Variants in OIT3 observed in about 807,000 individuals in gnomAD.
OIT3 encodes the protein oncoprotein induced transcript 3.
Under a neutral mutation model 52.2 loss-of-function variants are expected in OIT3, and 41 were observed. The observed-to-expected ratio is 0.79, with a 90% CI of 0.61 to 1.02. OIT3 has a LOEUF of 1.02. OIT3 is among the 50% of genes least tolerant of loss of function. The pLI is 0.00. For missense variants in OIT3, 634 were observed against 715.5 expected (o/e 0.89, Z 1.30); for synonymous variants, 244 against 276.9 (o/e 0.88, Z 1.18).
At chr10:72,932,285 G>A (rs1846222936) in intron 8 of OIT3, 69 bp from the exon 9 acceptor site, 1 of 1,354,764 alleles carries the variant, frequency 7.4e-7, no homozygotes, top group African/African-American at 1.4e-5. Context: ...ATTTAGTATT[G>A]TGTCTTGTAA....
intron 4 of OIT3, 135 bp from the exon 5 acceptor site, chr10:72,911,582 G>C: frequency 1.3e-6 from 1 of 799,858 alleles, no homozygotes; most frequent in Non-Finnish European, 2.0e-6. Context: ...TTGAGGTCTT[G>C]CCCGAATGTC....
At chr10:72,918,878 C>CT (rs1846098013) in intron 6 of OIT3, among the ~76,000 whole-genome samples, 1 of 152,130 alleles carries the variant, frequency 6.6e-6, no homozygotes, top group African/African-American at 2.4e-5. Context: ...TACTGTAGCC[C>CT]TGTAGCATAA....
Position 72,924,430 on chromosome 10 carries a change from G to T in OIT3, c.1153G>T (p.Gly385Trp), listed in dbSNP as rs770461923. ...SPLEIMSRNH[G>W]IFPFTLEIFK... ...ACTGGAAATCATGAGCCGAAATCAT[G>T]GGATCTTCCCATTCACTCTGGAGAT... Residue 385 changes from glycine (G) to tryptophan (W), a missense_variant, in exon 7 of 9, where the codon GGG becomes TGG. Physicochemically the swap from Gly to Trp is radical, Grantham distance 184. Coordinates refer to ENST00000334011, the MANE Select transcript of OIT3 (RefSeq NM_152635.3). 1 of 1,614,102 alleles carries T rather than the reference G, an allele frequency of 6.2e-7. No homozygotes were observed. The highest frequency in any genetic ancestry group is 8.5e-7 in the Non-Finnish European group (1 of 1,179,976).
At chr10:72,903,003 G>A (rs911619321) in intron 3 of OIT3, among the ~76,000 whole-genome samples, 4 of 152,126 alleles carry the variant, frequency 2.6e-5, no homozygotes, top group African/African-American at 9.7e-5. Flanking sequence ...AAGTTCCTAT[G>A]TGGGGTCTGT....
chr10:72,903,768 T>C (rs995058073), intron 3 of OIT3, among the ~76,000 whole-genome samples: 1 of 152,192 alleles, frequency 6.6e-6, no homozygotes, highest in African/African-American at 2.4e-5. Flanking sequence ...AGATTTTCTC[T>C]AGCAGGTACC....
At chr10:72,925,066 G>A (rs750643062) in intron 7 of OIT3, among the ~76,000 whole-genome samples, 17 of 140,442 alleles carry the variant, frequency 1.2e-4, no homozygotes, top group Non-Finnish European at 2.1e-4. Context: ...AGCCAAGATC[G>A]CACCATTGCC....
At chr10:72,897,909 A>G (rs183449681) in intron 1 of OIT3, among the ~76,000 whole-genome samples, 1 of 152,186 alleles carries the variant, frequency 6.6e-6, no homozygotes, top group East Asian at 1.9e-4. Flanking sequence ...ATAGTTCTCA[A>G]CTTCTCCTGT....
At chr10:72,907,397 T>A (rs1845990189) in intron 4 of OIT3, among the ~76,000 whole-genome samples, 1 of 152,230 alleles carries the variant, frequency 6.6e-6, no homozygotes, top group Admixed American at 6.5e-5. Context: ...TATTGCATTT[T>A]TAAACAAGTT....
intron 4 of OIT3, 123 bp downstream of exon 4, chr10:72,906,841 G>T: frequency 1.2e-6 from 1 of 852,060 alleles, no homozygotes; most frequent in Non-Finnish European, 1.7e-6. Context: ...GCAAAGAAAT[G>T]ACAAAAGGCG....
At chr10:72,911,985 A>C in intron 5 of OIT3, 146 bp downstream of exon 5, 1 of 605,362 alleles carries the variant, frequency 1.7e-6, no homozygotes, top group East Asian at 3.0e-5. Flanking sequence ...CTGAATCATC[A>C]CTCTGGAATC....
intron 7 of OIT3, 118 bp from the exon 8 acceptor site, chr10:72,930,420 A>T: frequency 1.4e-6 from 1 of 735,394 alleles, no homozygotes; most frequent in Non-Finnish European, 2.4e-6. Flanking sequence ...AAAAAGCTTG[A>T]GTACAGTCCA....
intron 4 of OIT3, among the ~76,000 whole-genome samples, chr10:72,910,393 C>T (rs934806387): frequency 2.0e-5 from 3 of 152,058 alleles, no homozygotes; most frequent in South Asian, 4.1e-4. Context: ...CGGTGGCTCA[C>T]GCCTGTAATC....
chr10:72,924,167 G>GA (rs201019655), intron 6 of OIT3, 62 bp from the exon 7 acceptor site: 86 of 1,397,768 alleles, frequency 6.2e-5, no homozygotes, highest in Admixed American at 8.8e-5. Context: ...AGAGGAGGGG[G>GA]AAAAAAAACT....
At chr10:72,920,880 A>G (rs913300519) in intron 6 of OIT3, among the ~76,000 whole-genome samples, 2 of 152,168 alleles carry the variant, frequency 1.3e-5, no homozygotes, top group African/African-American at 4.8e-5. Context: ...TCATATGGTG[A>G]TGAGAAGAAT....
At chr10:72,914,240 G>T (rs2132939134) in intron 6 of OIT3, among the ~76,000 whole-genome samples, 1 of 152,220 alleles carries the variant, frequency 6.6e-6, no homozygotes, top group Non-Finnish European at 1.5e-5. Context: ...AAGTAGGTGG[G>T]GTGGGCTGAG....
chr10:72,914,573 T>C (rs1215785904), intron 6 of OIT3, among the ~76,000 whole-genome samples: 1 of 152,140 alleles, frequency 6.6e-6, no homozygotes, highest in African/African-American at 2.4e-5. Context: ...ACATGCCACA[T>C]GGTAGGTTGG....
chr10:72,931,539 G>A (rs1846216414), intron 8 of OIT3, among the ~76,000 whole-genome samples: 3 of 152,158 alleles, frequency 2.0e-5, no homozygotes, highest in Admixed American at 6.5e-5. Context: ...TGTATTGGAA[G>A]TGTTTGTAGA....
intron 4 of OIT3, 132 bp from the exon 5 acceptor site, chr10:72,911,585 C>T (rs368261978): frequency 3.7e-5 from 32 of 853,922 alleles, no homozygotes; most frequent in Admixed American, 1.5e-4. Flanking sequence ...AGGTCTTGCC[C>T]GAATGTCCAG....
Position 72,913,452 on chromosome 10 carries a change from G to C in OIT3, c.935G>C (p.Cys312Ser). 1 of 1,607,568 alleles carries C rather than the reference G, an allele frequency of 6.2e-7. No individual in the cohort carries two copies. The highest frequency in any genetic ancestry group is 8.5e-7 in the Non-Finnish European group (1 of 1,174,834). ...HVNILFSLKT[C>S]GTVVDVVNDK... ...AACATCCTCTTCTCTCTCAAGACAT[G>C]TGGTACAGTGGTCGATGTAGGTTCC... The change falls in exon 6 of 9, where the codon TGT becomes TCT. Residue 312 changes from cysteine (C) to serine (S), a missense_variant. Transcript: ENST00000334011.
Sources: gnomAD v4.1 joint callset for allele counts (sites outside exome capture counted in the v4.1 genomes callset) on GRCh38, gnomAD v4.1.1 for gene constraint, MANE v1.5 for transcripts, NCBI Gene and HGNC (gene_info 2026-07-23, HGNC 2026-07-21) for gene names.